The following ELN variants were observed in gnomAD, a reference collection of about 807,000 sequenced individuals.
The protein encoded by ELN is elastin, also known as tropoelastin.
A neutral mutation model predicts 105.8 loss-of-function variants in ELN; 65 were observed. The observed-to-expected ratio is 0.61, with a 90% CI of 0.50 to 0.75. The LOEUF is 0.75. Ranked by LOEUF, ELN falls within the 30% of genes least tolerant of loss-of-function variation. The pLI, the probability that ELN is intolerant of heterozygous loss-of-function variation, is 0.00. For missense variants in ELN, 882 were observed against 969.4 expected, an observed-to-expected ratio of 0.91 and a Z score of 1.20; for synonymous variants, 368 against 389.2, an observed-to-expected ratio of 0.95 and a Z score of 0.64.
chr7:74,037,756 C>T lies in ELN; in HGVS notation c.196+17C>T, dbSNP rs781859547. On this transcript the variant is annotated intron_variant, in intron 4 of 32. Coordinates refer to ENST00000252034, the MANE Select transcript of ELN (RefSeq NM_000501.4). ...TTAAGCCAGGTAAGACCCAAGGCCT[C>T]GGAGCATTGAGAGACAGCGAGGGAG... The T allele has an allele frequency of 9.9e-6, 16 of 1,610,246 alleles. No homozygotes were observed. The highest frequency in any genetic ancestry group is 3.4e-5 in the Admixed American group (2 of 59,446).
At position 74,063,593 on chromosome 7, in the gene ELN, G is replaced by T; in HGVS notation, c.1919-28G>T. The T allele has an allele frequency of 6.2e-7, 1 of 1,614,082 alleles. No individual in the cohort carries two copies. The highest frequency in any genetic ancestry group is 8.5e-7 in the Non-Finnish European group (1 of 1,179,962). Reference sequence around the variant, plus strand: ...CTTCAGTCCCACCTTTCTGACCAGCGGAGTCTAATGCTCAGCTGTCTCCAC... The same window carrying T: ...CTTCAGTCCCACCTTTCTGACCAGCTGAGTCTAATGCTCAGCTGTCTCCAC... On this transcript the variant is annotated intron_variant, in intron 28 of 32. Coordinates refer to ENST00000252034, the MANE Select transcript of ELN (RefSeq NM_000501.4). This position sits in a 1 kb window ranked among gnomAD's most constrained non-coding sequence, Gnocchi z 4.1.
rs1554686967 is a variant in ELN at position 74,063,736 on chromosome 7, GTA to G, written c.1993+43_1993+44del. On this transcript the variant is annotated intron_variant, in intron 29 of 32. Transcript: ENST00000252034. This position sits in a 1 kb window ranked among gnomAD's most constrained non-coding sequence, Gnocchi z 4.1. The stretch of plus-strand genomic sequence containing the variant: ...AAATCAGTGAGTGTGTGTGGTGTGT[GTA>G]TGCGAGACAGAGATGGAGACAGAGA... 5 of 1,612,684 alleles carry G rather than the reference GTA, an allele frequency of 3.1e-6. No homozygotes were observed. In the African/African-American group the frequency reaches 6.7e-5, roughly 22 times the overall value.
chr7:74,045,179 G>A, intron 9 of ELN, 43 bp from the exon 10 acceptor site: 2 of 1,611,952 alleles, frequency 1.2e-6, no homozygotes, highest in Non-Finnish European at 1.7e-6. Flanking sequence ...AGCAGGGCCT[G>A]CAAGGCCTGC....
intron 2 of ELN, among the ~76,000 whole-genome samples, chr7:74,036,286 T>G (rs1159709555): frequency 6.6e-6 from 1 of 151,414 alleles, no homozygotes. Context: ...AGAGGGAGAC[T>G]CCGTATAAAA....
In ELN at chr7:74,057,713, C is replaced by T. The variant is rs1554681228; in HGVS notation, c.1414+17C>T. ...CCCAGTTTGGTAAGTCCCCCTCACC[C>T]CCGCCACTGGCTCACGGAGAACTGC... On this transcript the variant is annotated intron_variant, in intron 22 of 32. Coordinates refer to ENST00000252034, the MANE Select transcript of ELN (RefSeq NM_000501.4). 1 of 1,612,694 alleles carries T rather than the reference C, an allele frequency of 6.2e-7. No homozygotes were observed. Among genetic ancestry groups the T allele is most frequent in the East Asian group, 2.2e-5 (1 of 44,874 alleles).
At chr7:74,044,066 T>A in intron 9 of ELN, 146 bp downstream of exon 9, 2 of 1,113,704 alleles carry the variant, frequency 1.8e-6, no homozygotes, top group Non-Finnish European at 2.6e-6. Flanking sequence ...GGCATCATAG[T>A]AAGGCCCTCG....
chr7:74,037,612 C>G, intron 3 of ELN, 95 bp from the exon 4 acceptor site: 2 of 1,543,584 alleles, frequency 1.3e-6, no homozygotes, highest in South Asian at 2.4e-5. Flanking sequence ...GTGTGTGATT[C>G]CACACTGCCC....
rs200068322 is a variant in ELN, at chr7:74,047,682, T to C, written c.651T>C (p.Tyr217=). The C allele has an allele frequency of 6.2e-7, 1 of 1,614,172 alleles. No homozygotes were observed. Among genetic ancestry groups the C allele is most frequent in the Admixed American group, 1.7e-5 (1 of 60,024 alleles). Residue 217 remains tyrosine, a synonymous_variant, in exon 13 of 33, where the codon TAT becomes TAC. Coordinates refer to ENST00000252034, the MANE Select transcript of ELN (RefSeq NM_000501.4). ...PIKAPKLPGG[Y]GLPYTTGKLP... The stretch of plus-strand genomic sequence containing the variant: ...GCTCTGTCCTCTCTCCAGGTGGCTA[T>C]GGACTGCCCTACACCACAGGGAAAC...
chr7:74,063,483 G>A lies in ELN; in HGVS notation c.1918+114G>A, dbSNP rs1175618753. 6.2e-7 allele frequency: 1 copy of A among 1,603,156 alleles called. No individual in the cohort carries two copies. The highest frequency in any genetic ancestry group is 1.3e-5 in the African/African-American group (1 of 74,674). ...GAGTCCCTGCCCCAGACACCTCCTG[G>A]CTCCACTGTGCCATCGAAGGCCAGG... On this transcript the variant is annotated intron_variant, in intron 28 of 32. Transcript: ENST00000252034. This position sits in a 1 kb window ranked among gnomAD's most constrained non-coding sequence, Gnocchi z 4.1.
intron 12 of ELN, 81 bp from the exon 13 acceptor site, chr7:74,047,594 G>T (rs1013018962): frequency 2.4e-5 from 38 of 1,572,504 alleles, no homozygotes; most frequent in Non-Finnish European, 3.2e-5. Context: ...AGCACCTGTG[G>T]GGGTAGATCT....
intron 8 of ELN, chr7:74,043,660 C>A: frequency 1.5e-6 from 1 of 663,644 alleles, no homozygotes; most frequent in Non-Finnish European, 2.7e-6. Context: ...AAACAGGCTC[C>A]AGGAGACGGA....
chr7:74,034,916 C>A (rs55863875), intron 1 of ELN, among the ~76,000 whole-genome samples: 8,291 of 152,230 alleles, frequency 0.054, 315 homozygotes, highest in Middle Eastern at 0.085. Context: ...GCCTGCCCAA[C>A]ATAGTGAAAC....
Position 74,060,033 on chromosome 7 carries a change from C to T in ELN, c.1562C>T (p.Pro521Leu). 1 of 1,614,052 alleles carries T rather than the reference C, an allele frequency of 6.2e-7. No homozygotes were observed. Residue 521 changes from proline to leucine, a missense_variant, in exon 23 of 33, where the codon CCT (proline) becomes CTT (leucine). Transcript: ENST00000252034. Reference protein sequence around the residue: ...PGVGVAPGIGPGGVAAAAKSA... With the variant: ...PGVGVAPGIGLGGVAAAAKSA... ...GTTGGCGTGGCTCCCGGCATTGGCC[C>T]TGGTGGAGTTGCAGGTGAGTTTCAT...
At chr7:74,046,256 A>C (rs782758854) in intron 11 of ELN, 39 bp downstream of exon 11, 1 of 1,614,036 alleles carries the variant, frequency 6.2e-7, no homozygotes, top group South Asian at 1.1e-5. Context: ...GTGGCCAGCC[A>C]GGCAGAGGCT....
intron 9 of ELN, 72 bp downstream of exon 9, chr7:74,043,992 T>C (rs1791871596): frequency 1.9e-6 from 3 of 1,585,448 alleles, no homozygotes; most frequent in Non-Finnish European, 2.6e-6. Flanking sequence ...ATGCCTATAA[T>C]CCCATTGCTT....
intron 1 of ELN, among the ~76,000 whole-genome samples, chr7:74,029,202 CTG>C: frequency 6.6e-6 from 1 of 152,004 alleles, no homozygotes; most frequent in South Asian, 2.1e-4. Context: ...GTGTGTACAT[CTG>C]TGTGTGTGAA....
At chr7:74,045,421 C>T (rs1328992313) in intron 10 of ELN, 128 bp downstream of exon 10, 2 of 1,036,758 alleles carry the variant, frequency 1.9e-6, no homozygotes, top group Non-Finnish European at 2.9e-6. Flanking sequence ...TATGTTCCAG[C>T]CCTGGGCAGC....
At chr7:74,054,874 A>G in intron 19 of ELN, 105 bp downstream of exon 19, 9 of 1,292,764 alleles carry the variant, frequency 7.0e-6, no homozygotes, top group Non-Finnish European at 1.0e-5. Flanking sequence ...GACTTGCCCA[A>G]GGTCACCGAG....
At chr7:74,038,378 G>A (rs1270368763) in intron 4 of ELN, among the ~76,000 whole-genome samples, 2 of 152,226 alleles carry the variant, frequency 1.3e-5, no homozygotes, top group Non-Finnish European at 2.9e-5. Flanking sequence ...CCAAGCCCAA[G>A]CTGAGCACCG....
Sources: gnomAD v4.1 joint callset for allele counts (sites outside exome capture counted in the v4.1 genomes callset) on GRCh38, gnomAD v4.1.1 for gene constraint, Gnocchi (gnomAD v3.1) non-coding constraint, MANE v1.5 for transcripts, NCBI Gene and HGNC (gene_info 2026-07-23, HGNC 2026-07-21) for gene names.